CNTLN: variants seen among roughly 807,000 people sequenced by gnomAD.
The protein encoded by CNTLN is centlein, centrosomal protein.
Under a neutral mutation model 180.0 loss-of-function variants are expected in CNTLN, and 212 were observed. That is an observed-to-expected ratio of 1.18 (90% CI 1.05 to 1.32). CNTLN has a LOEUF of 1.32. Among genes scored for constraint, CNTLN ranks in the 40% most tolerant of loss-of-function variants. The pLI is 0.00. For missense variants in CNTLN, 2,095 were observed against 1,610.9 expected (o/e 1.30, Z -5.14); for synonymous variants, 722 against 563.1 (o/e 1.28, Z -3.99).
chr9:17,429,091 A>C lies in CNTLN; in HGVS notation c.3114+12902A>C, dbSNP rs188521665. ...TTGTATATTTATATAGATGTTTTAA[A>C]TAAAAATACCACTTTATAGTAATAA... On this transcript the variant is annotated intron_variant, in intron 18 of 25. Coordinates refer to ENST00000380647, the MANE Select transcript of CNTLN (RefSeq NM_017738.4). Among the ~76,000 whole-genome samples, 682 of 152,180 alleles carry C rather than the reference A, an allele frequency of 4.5e-3. 4 individuals carry two copies. Among genetic ancestry groups the C allele is most frequent in the Non-Finnish European group, 7.6e-3 (514 of 67,924 alleles).
the CNTLN span, among the ~76,000 whole-genome samples, chr9:17,510,814 G>A: frequency 6.6e-6 from 1 of 152,152 alleles, no homozygotes; most frequent in Non-Finnish European, 1.5e-5. Flanking sequence ...TTTGGCTATT[G>A]CATATAAAGC....
chr9:17,195,796 A>C (rs756640336), intron 2 of CNTLN, among the ~76,000 whole-genome samples: 12 of 152,118 alleles, frequency 7.9e-5, no homozygotes, highest in Non-Finnish European at 1.6e-4. Flanking sequence ...CCCTGCATTT[A>C]TTCTATCTCC....
chr9:17,410,757 T>C (rs1827783066), intron 16 of CNTLN, among the ~76,000 whole-genome samples: 1 of 152,150 alleles, frequency 6.6e-6, no homozygotes, highest in African/African-American at 2.4e-5. Context: ...AGTTTACCAA[T>C]TTTTCCCCAA....
chr9:17,196,849 G>C (rs1295080579), intron 2 of CNTLN, among the ~76,000 whole-genome samples: 1 of 151,962 alleles, frequency 6.6e-6, no homozygotes, highest in South Asian at 2.1e-4. Flanking sequence ...TTTATACTTT[G>C]TGTTACAAAC....
chr9:17,491,645 T>C (rs1235775272), intron 25 of CNTLN, among the ~76,000 whole-genome samples: 1 of 151,984 alleles, frequency 6.6e-6, no homozygotes, highest in Non-Finnish European at 1.5e-5. Flanking sequence ...TTTTCTTCTA[T>C]TGGAACTATA....
intron 7 of CNTLN, chr9:17,299,407 A>T: frequency 1.1e-6 from 1 of 949,682 alleles, no homozygotes; most frequent in Non-Finnish European, 1.3e-6. Flanking sequence ...TACACAGTTC[A>T]TATTATCCCT....
At chr9:17,307,253 A>T (rs1258224735) in intron 7 of CNTLN, among the ~76,000 whole-genome samples, 12 of 151,388 alleles carry the variant, frequency 7.9e-5, no homozygotes, top group Non-Finnish European at 1.6e-4. Context: ...AAATATCTCC[A>T]CAATAATATC....
chr9:17,404,251 A>G (rs1827205518), intron 15 of CNTLN, among the ~76,000 whole-genome samples: 1 of 151,806 alleles, frequency 6.6e-6, no homozygotes, highest in Admixed American at 6.6e-5. Flanking sequence ...TATATGCCCT[A>G]AACTGAGAGT....
chr9:17,515,511 C>A, the CNTLN span, among the ~76,000 whole-genome samples: 6 of 152,030 alleles, frequency 3.9e-5, no homozygotes, highest in Non-Finnish European at 7.4e-5. Flanking sequence ...AATAGGTATC[C>A]CAAATGTCAC....
chr9:17,280,842 T>G (rs1451437684), intron 6 of CNTLN, among the ~76,000 whole-genome samples: 1 of 152,192 alleles, frequency 6.6e-6, no homozygotes, highest in East Asian at 1.9e-4. Context: ...AAAAAGACTC[T>G]AGGCATGCAG....
the CNTLN span, among the ~76,000 whole-genome samples, chr9:17,523,127 A>G: frequency 1.3e-5 from 2 of 152,190 alleles, no homozygotes; most frequent in African/African-American, 4.8e-5. Flanking sequence ...TTTATGACCA[A>G]TGTTGACACT....
intron 5 of CNTLN, among the ~76,000 whole-genome samples, chr9:17,258,355 GTACC>G: frequency 6.7e-6 from 1 of 150,098 alleles, no homozygotes; most frequent in South Asian, 2.1e-4. Flanking sequence ...TTTGGTACCA[GTACC>G]ATGCTGTTTT....
At chr9:17,259,758 T>G (rs2132350831) in intron 5 of CNTLN, among the ~76,000 whole-genome samples, 1 of 149,880 alleles carries the variant, frequency 6.7e-6, no homozygotes, top group South Asian at 2.1e-4. Flanking sequence ...CTAGTTTATT[T>G]GCGTAGAGGT....
intron 23 of CNTLN, among the ~76,000 whole-genome samples, chr9:17,479,310 T>G (rs1832515481): frequency 6.6e-6 from 1 of 152,048 alleles, no homozygotes; most frequent in African/African-American, 2.4e-5. Context: ...CATCAAGAGA[T>G]GAATGAATAA....
intron 2 of CNTLN, among the ~76,000 whole-genome samples, chr9:17,210,430 A>C (rs913115033): frequency 1.3e-5 from 2 of 152,184 alleles, no homozygotes; most frequent in Non-Finnish European, 2.9e-5. Flanking sequence ...TCCATGGTGT[A>C]TATGTGCCAC....
intron 2 of CNTLN, among the ~76,000 whole-genome samples, chr9:17,160,043 A>G (rs1288367473): frequency 6.6e-6 from 1 of 152,244 alleles, no homozygotes. Flanking sequence ...CAATTGTGAT[A>G]GAGATTGTGA....
At chr9:17,329,612 A>G (rs1349152404) in intron 8 of CNTLN, among the ~76,000 whole-genome samples, 1 of 152,032 alleles carries the variant, frequency 6.6e-6, no homozygotes, top group Non-Finnish European at 1.5e-5. Context: ...CCCTCTCATT[A>G]TACAAATTGC....
At chr9:17,279,682 GTGTT>G (rs1484967487) in intron 6 of CNTLN, among the ~76,000 whole-genome samples, 7 of 151,674 alleles carry the variant, frequency 4.6e-5, no homozygotes, top group African/African-American at 1.7e-4. Context: ...CCCTCTGTTA[GTGTT>G]TCCTGTCAAA....
chr9:17,191,222 C>T (rs556581367), intron 2 of CNTLN, among the ~76,000 whole-genome samples: 5 of 152,336 alleles, frequency 3.3e-5, no homozygotes, highest in African/African-American at 1.2e-4. Flanking sequence ...CACTGCCACC[C>T]TCATTTCCTG....
Sources: gnomAD v4.1 joint callset for allele counts (sites outside exome capture counted in the v4.1 genomes callset) on GRCh38, gnomAD v4.1.1 for gene constraint, MANE v1.5 for transcripts, NCBI Gene and HGNC (gene_info 2026-07-23, HGNC 2026-07-21) for gene names.